PARM1: variants seen among roughly 807,000 people sequenced by gnomAD.
PARM1 encodes prostate androgen-regulated mucin-like protein 1, also known as WSC4, cell wall integrity and stress response component 4 homolog.
In PARM1, 14 loss-of-function variants were observed where a neutral mutation model predicts 24.6. The ratio of observed to expected loss-of-function variants is 0.57; its 90% CI spans 0.38 to 0.89. The LOEUF (loss-of-function observed/expected upper bound fraction) is 0.89, where lower values mean the gene tolerates loss of function less well. PARM1 is among the 40% of genes least tolerant of loss of function. The pLI, the probability that PARM1 is intolerant of heterozygous loss-of-function variation, is 0.00. For synonymous variants in PARM1, 179 were observed against 156.6 expected (o/e 1.14, Z -1.07); for missense variants, 362 against 380.4 (o/e 0.95, Z 0.40).
chr4:75,044,346 A>G (rs1487076022), intron 3 of PARM1, among the ~76,000 whole-genome samples: 3 of 152,184 alleles, frequency 2.0e-5, no homozygotes, highest in African/African-American at 7.2e-5. Context: ...TAATCCTGCC[A>G]TTAGTTTTAG....
Position 75,012,424 on chromosome 4 carries a change from G to A in PARM1, c.44-1G>A. On this transcript the variant is annotated splice_acceptor_variant, in intron 1 of 3. Transcript: ENST00000307428. LOFTEE classifies it high-confidence loss of function. Reference sequence around the variant, plus strand: ...CCACTTTTGTACTGGCTTTTCCACAGGATGGAGGGTACAGAGTCTGCCTAC... The same window carrying A: ...CCACTTTTGTACTGGCTTTTCCACAAGATGGAGGGTACAGAGTCTGCCTAC... 1 of 1,612,316 alleles carries A rather than the reference G, an allele frequency of 6.2e-7. No homozygotes were observed. Among genetic ancestry groups the A allele is most frequent in the Non-Finnish European group, 8.5e-7 (1 of 1,178,550 alleles).
chr4:74,938,343 G>T (rs1721234780), intron 1 of PARM1, among the ~76,000 whole-genome samples: 1 of 152,176 alleles, frequency 6.6e-6, no homozygotes, highest in African/African-American at 2.4e-5. Context: ...AAATCTAAAT[G>T]AAGGAATCCT....
intron 2 of PARM1, among the ~76,000 whole-genome samples, chr4:75,020,333 A>G (rs1009075018): frequency 2.6e-5 from 4 of 152,128 alleles, no homozygotes; most frequent in African/African-American, 7.2e-5. Context: ...TGTCACCACC[A>G]TCTTTTCAGT....
At chr4:75,038,667 A>C (rs1261615960) in intron 3 of PARM1, among the ~76,000 whole-genome samples, 2 of 152,250 alleles carry the variant, frequency 1.3e-5, no homozygotes, top group Non-Finnish European at 2.9e-5. Context: ...ATAAATGGAA[A>C]CTATCTCTGA....
chr4:74,955,895 G>A (rs1264851469), intron 1 of PARM1: 1 of 152,114 alleles, frequency 6.6e-6, no homozygotes, highest in Non-Finnish European at 1.5e-5. Flanking sequence ...AATGCACAAA[G>A]CTCAGTATTT....
intron 2 of PARM1, among the ~76,000 whole-genome samples, chr4:75,029,884 A>G (rs563889076): frequency 6.0e-4 from 92 of 152,312 alleles, no homozygotes; most frequent in African/African-American, 2.1e-3. Context: ...GCTAAAAAAA[A>G]AAAAAATTCT....
intron 1 of PARM1, among the ~76,000 whole-genome samples, chr4:74,939,803 T>C (rs75473703): frequency 0.017 from 2,541 of 152,312 alleles, 74 homozygotes; most frequent in African/African-American, 0.058. Flanking sequence ...GAATACCTTA[T>C]TGTTAAGTGG....
chr4:74,954,643 G>A (rs1334553831), intron 1 of PARM1, among the ~76,000 whole-genome samples: 1 of 152,162 alleles, frequency 6.6e-6, no homozygotes, highest in Admixed American at 6.5e-5. Context: ...TGCGCATCAT[G>A]TTCAGAAAAC....
At position 75,012,936 on chromosome 4, in the gene PARM1, A is replaced by G. The variant is rs765373094; in HGVS notation, c.555A>G (p.Gln185=). The change falls in exon 2 of 4, where the codon CAA becomes CAG. Residue 185 remains glutamine, a synonymous_variant. Transcript: ENST00000307428. ...TNHSSTVTST[Q]PTGAPTAPES... ...ATAGCTCCACTGTGACCAGCACCCAACCCACTGGAGCTCCAACTGCACCAG... is the reference window on the plus strand; with the variant it reads ...ATAGCTCCACTGTGACCAGCACCCAGCCCACTGGAGCTCCAACTGCACCAG... 1.6e-5 allele frequency: 26 copies of G among 1,613,828 alleles called. No homozygotes were observed. Among genetic ancestry groups the G allele is most frequent in the Non-Finnish European group, 2.2e-5 (26 of 1,179,852 alleles).
intron 1 of PARM1, among the ~76,000 whole-genome samples, chr4:74,963,393 T>C (rs939531606): frequency 2.0e-5 from 3 of 152,172 alleles, no homozygotes; most frequent in African/African-American, 4.8e-5. Context: ...AGCCAAAATA[T>C]AGAAATAACC....
chr4:74,979,350 A>G (rs971346591), intron 1 of PARM1, among the ~76,000 whole-genome samples: 18 of 152,332 alleles, frequency 1.2e-4, no homozygotes, highest in Middle Eastern at 3.4e-3. Flanking sequence ...CAAACAAACT[A>G]GAAAATCTAG....
intron 2 of PARM1, among the ~76,000 whole-genome samples, chr4:75,013,368 A>C (rs1722918373): frequency 6.6e-6 from 1 of 152,200 alleles, no homozygotes. Flanking sequence ...ACCTGTTTTC[A>C]CAAGTCATAA....
chr4:74,981,925 C>G (rs995842922), intron 1 of PARM1, among the ~76,000 whole-genome samples: 2 of 150,560 alleles, frequency 1.3e-5, no homozygotes, highest in Non-Finnish European at 2.9e-5. Flanking sequence ...TATCATTTGA[C>G]CCAGCAATTC....
At chr4:74,949,978 C>CT (rs748173059) in intron 1 of PARM1, among the ~76,000 whole-genome samples, 6 of 151,960 alleles carry the variant, frequency 3.9e-5, no homozygotes, top group Non-Finnish European at 7.4e-5. Flanking sequence ...GAAATCTTCC[C>CT]TGGTGATATC....
At chr4:75,034,135 A>G (rs1270525274) in intron 3 of PARM1, among the ~76,000 whole-genome samples, 174 bp downstream of exon 3, 1 of 152,216 alleles carries the variant, frequency 6.6e-6, no homozygotes, top group Non-Finnish European at 1.5e-5. Context: ...GTATAGACGT[A>G]CAGTATCTGA....
At chr4:75,014,555 A>G (rs1288186231) in intron 2 of PARM1, among the ~76,000 whole-genome samples, 8 of 151,728 alleles carry the variant, frequency 5.3e-5, no homozygotes, top group Admixed American at 5.2e-4. Flanking sequence ...TGGCTGAGGG[A>G]CACAACAATC....
At chr4:74,965,773 C>T (rs541880545) in intron 1 of PARM1, among the ~76,000 whole-genome samples, 1 of 152,266 alleles carries the variant, frequency 6.6e-6, no homozygotes, top group East Asian at 1.9e-4. Context: ...ACATTCTCCC[C>T]AGTACCTCAC....
At chr4:75,038,803 G>A (rs1022693681) in intron 3 of PARM1, among the ~76,000 whole-genome samples, 6 of 152,210 alleles carry the variant, frequency 3.9e-5, no homozygotes, top group African/African-American at 1.4e-4. Context: ...ATTTGTTTAA[G>A]TTGGCTCAAA....
chr4:74,952,961 G>C (rs1721556016), intron 1 of PARM1, among the ~76,000 whole-genome samples: 1 of 152,120 alleles, frequency 6.6e-6, no homozygotes, highest in Non-Finnish European at 1.5e-5. Flanking sequence ...AATTTCTTAA[G>C]AGAAAATTAA....
Sources: allele counts gnomAD v4.1 joint callset (sites outside exome capture counted in the v4.1 genomes callset), GRCh38; gene constraint gnomAD v4.1.1; transcripts MANE v1.5; gene names NCBI Gene and HGNC (gene_info 2026-07-23, HGNC 2026-07-21).